ANKH: variants seen among roughly 807,000 people sequenced by gnomAD.
ANKH encodes ANKH inorganic pyrophosphate transport regulator, also known as mineralization regulator ANKH.
ANKH carries 15 observed loss-of-function variants against 49.0 expected under a neutral mutation model. The observed-to-expected ratio is 0.31, with a 90% CI of 0.20 to 0.47. The LOEUF is 0.47. Ranked by LOEUF, ANKH falls within the 20% of genes least tolerant of loss-of-function variation. The pLI, the probability that ANKH is intolerant of heterozygous loss-of-function variation, is 1.00. For missense variants in ANKH, 429 were observed against 652.0 expected (o/e 0.66, Z 3.72); for synonymous variants, 273 against 260.0 (o/e 1.05, Z -0.48).
chr5:14,838,835 C>T (rs1741735153), intron 1 of ANKH, among the ~76,000 whole-genome samples: 1 of 152,098 alleles, frequency 6.6e-6, no homozygotes, highest in Admixed American at 6.6e-5. Flanking sequence ...ATACAAACTG[C>T]AGGTGTGCCC....
At chr5:14,852,324 G>A (rs560100723) in intron 1 of ANKH, among the ~76,000 whole-genome samples, 52 of 152,222 alleles carry the variant, frequency 3.4e-4, no homozygotes, top group Admixed American at 2.8e-3. Context: ...GGCTAATTAA[G>A]GAAAAGGAAA....
chr5:14,794,111 T>C (rs573613210), intron 1 of ANKH, among the ~76,000 whole-genome samples: 1 of 152,326 alleles, frequency 6.6e-6, no homozygotes, highest in African/African-American at 2.4e-5. Flanking sequence ...TGCAACTAAC[T>C]GCATGGCTGT....
rs761698657 is a variant in ANKH, at chr5:14,712,935, G to A, written c.1304C>T (p.Ala435Val). Residue 435 changes from alanine (A) to valine (V), a missense_variant, in exon 11 of 12, where the codon GCG becomes GTG. Transcript: ENST00000284268. ...CATGGTGGATTCTCCCACAAAGCCC[G>A]CCAGGAGGGAGCCCACGCCCAGGGT... ...GATLGVGSLLAGFVGESTMVA... is the reference protein window; with the variant it reads ...GATLGVGSLLVGFVGESTMVA... 49 of 1,613,472 alleles carry A rather than the reference G, an allele frequency of 3.0e-5. No homozygotes were observed. The highest frequency in any genetic ancestry group is 4.0e-5 in the African/African-American group (3 of 74,926).
At position 14,716,841 on chromosome 5, in the gene ANKH, G is replaced by A. The variant is rs1401526746; in HGVS notation, c.1012-6C>T. 2 of 1,613,778 alleles carry A rather than the reference G, an allele frequency of 1.2e-6. No homozygotes were observed. Among genetic ancestry groups the A allele is most frequent in the Non-Finnish European group, 1.7e-6 (2 of 1,179,758 alleles). On this transcript the variant is annotated splice_polypyrimidine_tract_variant and splice_region_variant and intron_variant, in intron 8 of 11. Transcript: ENST00000284268. ...CAAAACATCACGAAACAGAGCTGGG[G>A]AGAAAGACATCAAACAGGGTTGTGA...
chr5:14,744,672 G>A (rs751575182), intron 7 of ANKH, among the ~76,000 whole-genome samples: 28 of 152,228 alleles, frequency 1.8e-4, no homozygotes, highest in East Asian at 3.8e-4. Flanking sequence ...TTGATCCTCC[G>A]TCTCCACCTC....
At chr5:14,827,667 C>T (rs1450822129) in intron 1 of ANKH, among the ~76,000 whole-genome samples, 4 of 152,154 alleles carry the variant, frequency 2.6e-5, no homozygotes, top group Non-Finnish European at 2.9e-5. Flanking sequence ...GTGCTTCCAA[C>T]TTAAAGGATC....
At chr5:14,841,150 T>C (rs1438078678) in intron 1 of ANKH, among the ~76,000 whole-genome samples, 1 of 152,132 alleles carries the variant, frequency 6.6e-6, no homozygotes, top group Non-Finnish European at 1.5e-5. Flanking sequence ...AATGAAGAGC[T>C]GACAAAGTTT....
intron 2 of ANKH, among the ~76,000 whole-genome samples, chr5:14,760,599 A>C (rs992864097): frequency 6.6e-6 from 1 of 152,220 alleles, no homozygotes; most frequent in Non-Finnish European, 1.5e-5. Flanking sequence ...AGGGATCTGC[A>C]AGGAGACCAT....
intron 1 of ANKH, among the ~76,000 whole-genome samples, chr5:14,857,573 G>A (rs1211685121): frequency 3.3e-5 from 5 of 152,030 alleles, no homozygotes; most frequent in Admixed American, 1.3e-4. Context: ...CAGGAGAATC[G>A]CTTGAACCTG....
intron 1 of ANKH, among the ~76,000 whole-genome samples, chr5:14,818,160 C>T (rs912409506): frequency 2.0e-5 from 3 of 151,682 alleles, no homozygotes; most frequent in Non-Finnish European, 4.4e-5. Context: ...TAATTCACCA[C>T]GCATCCTGAT....
intron 1 of ANKH, among the ~76,000 whole-genome samples, chr5:14,826,252 T>C (rs1741339849): frequency 6.6e-6 from 1 of 152,226 alleles, no homozygotes; most frequent in African/African-American, 2.4e-5. Context: ...ATGGGTGCTG[T>C]ATTAGGTAGA....
chr5:14,721,252 G>A (rs948904592), intron 8 of ANKH, among the ~76,000 whole-genome samples: 1 of 152,168 alleles, frequency 6.6e-6, no homozygotes, highest in Non-Finnish European at 1.5e-5. Flanking sequence ...ATCCAACCTG[G>A]CACCACTCAG....
chr5:14,723,261 C>T (rs543919165), intron 8 of ANKH, among the ~76,000 whole-genome samples: 6 of 151,658 alleles, frequency 4.0e-5, no homozygotes, highest in Non-Finnish European at 8.8e-5. Flanking sequence ...GTAACATGCG[C>T]GCTGCAGTAA....
rs1235335189 is a variant in ANKH, at chr5:14,710,855, G to A, written c.*342C>T. The stretch of plus-strand genomic sequence containing the variant: ...AGGGTGACCGAGGCGCGATGGCACA[G>A]CTGCAGTCCTTTGGTTCCAAGAGGA... On this transcript the variant is annotated 3_prime_UTR_variant, in exon 12 of 12. Coordinates refer to ENST00000284268, the MANE Select transcript of ANKH (RefSeq NM_054027.6). 1 of 359,096 alleles carries A rather than the reference G, an allele frequency of 2.8e-6. No individual in the cohort carries two copies. Among genetic ancestry groups the A allele is most frequent in the East Asian group, 7.1e-5 (1 of 14,060 alleles). 22.2% of individuals were successfully genotyped at this position (359,096 alleles called of 1,614,324 possible).
chr5:14,810,150 A>G (rs1293361307), intron 1 of ANKH, among the ~76,000 whole-genome samples: 1 of 146,130 alleles, frequency 6.8e-6, no homozygotes, highest in African/African-American at 2.5e-5. Flanking sequence ...GAAAGCATAA[A>G]AACGATTGAC....
rs151016054 is a variant in ANKH, at chr5:14,858,807, C to G, written c.96+12545G>C. 2.6e-3 allele frequency among the ~76,000 whole-genome samples: 388 copies of G among 150,760 alleles called. 4 individuals are homozygous for G. The highest frequency in any genetic ancestry group is 0.014 in the Middle Eastern group (4 of 290). On this transcript the variant is annotated intron_variant, in intron 1 of 11. Coordinates refer to ENST00000284268, the MANE Select transcript of ANKH (RefSeq NM_054027.6). ...AGAAAAGAGATAAGAAGATTATGCA[C>G]TAAAATAAGATACAGATTTCTAGGT...
At chr5:14,731,351 C>T (rs192254674) in intron 8 of ANKH, among the ~76,000 whole-genome samples, 159 of 152,172 alleles carry the variant, frequency 1.0e-3, no homozygotes, top group Non-Finnish European at 1.9e-3. Flanking sequence ...AGAACAAGGT[C>T]GGGAGGTGAA....
chr5:14,843,902 T>C (rs1264029187), intron 1 of ANKH, among the ~76,000 whole-genome samples: 1 of 152,218 alleles, frequency 6.6e-6, no homozygotes, highest in Admixed American at 6.5e-5. Flanking sequence ...ATAAGGTATG[T>C]AAATATAAGC....
At chr5:14,760,980 T>C (rs576802361) in intron 2 of ANKH, among the ~76,000 whole-genome samples, 2 of 152,330 alleles carry the variant, frequency 1.3e-5, no homozygotes, top group South Asian at 2.1e-4. Flanking sequence ...GATGAGGTCA[T>C]ACTGGAGTAG....
Sources: allele counts gnomAD v4.1 joint callset (sites outside exome capture counted in the v4.1 genomes callset), GRCh38; gene constraint gnomAD v4.1.1; transcripts MANE v1.5; gene names NCBI Gene and HGNC (gene_info 2026-07-23, HGNC 2026-07-21).